Variants in GDPD5 observed in about 807,000 individuals in gnomAD.
GDPD5 encodes the protein glycerophosphodiester phosphodiesterase domain containing 5.
GDPD5 carries 48 observed loss-of-function variants against 75.1 expected under a neutral mutation model. The ratio of observed to expected loss-of-function variants is 0.64; its 90% CI spans 0.51 to 0.81. GDPD5 has a LOEUF of 0.81. Ranked by LOEUF, GDPD5 falls within the 40% of genes least tolerant of loss-of-function variation. The pLI is 0.00. For synonymous variants in GDPD5, 336 were observed against 339.0 expected (o/e 0.99, Z 0.10); for missense variants, 706 against 822.6 (o/e 0.86, Z 1.73).
chr11:75,442,058 C>T (rs1437960773), intron 12 of GDPD5, among the ~76,000 whole-genome samples: 1 of 152,276 alleles, frequency 6.6e-6, no homozygotes, highest in African/African-American at 2.4e-5. Flanking sequence ...CTGCACATGG[C>T]CACTAGCACC....
At chr11:75,498,679 C>A (rs1316801018) in intron 1 of GDPD5, among the ~76,000 whole-genome samples, 1 of 152,158 alleles carries the variant, frequency 6.6e-6, no homozygotes, top group Non-Finnish European at 1.5e-5. Flanking sequence ...CCTCTAGAAG[C>A]TGACAGAGAA....
At chr11:75,435,727 AGGAAG>A in intron 16 of GDPD5, 72 bp from the exon 17 acceptor site, 3 of 1,493,222 alleles carry the variant, frequency 2.0e-6, no homozygotes, top group Non-Finnish European at 2.7e-6. Flanking sequence ...CAGATGGGGC[AGGAAG>A]GCTGCACCAC....
At chr11:75,473,080 T>G (rs918557738) in intron 3 of GDPD5, among the ~76,000 whole-genome samples, 2 of 151,616 alleles carry the variant, frequency 1.3e-5, no homozygotes, top group African/African-American at 4.9e-5. Context: ...ATCCTGTGGA[T>G]GCGGAGAAGC....
Position 75,436,932 on chromosome 11 carries a change from G to A in GDPD5, c.1669+4C>T. The A allele has an allele frequency of 6.2e-7, 1 of 1,610,830 alleles. No homozygotes were observed. The highest frequency in any genetic ancestry group is 8.5e-7 in the Non-Finnish European group (1 of 1,177,490). ...TGCCTCCACCTGTCTGCAGGGCTGTGTACCTGAGAAAATAAGCTTCTCCTT... is the reference window on the plus strand; with the variant it reads ...TGCCTCCACCTGTCTGCAGGGCTGTATACCTGAGAAAATAAGCTTCTCCTT... On this transcript the variant is annotated splice_donor_region_variant and intron_variant, in intron 16 of 16. Coordinates refer to ENST00000336898, the MANE Select transcript of GDPD5 (RefSeq NM_030792.8).
intron 1 of GDPD5, among the ~76,000 whole-genome samples, chr11:75,496,763 T>A (rs1391833435): frequency 2.4e-5 from 3 of 123,500 alleles, no homozygotes; most frequent in African/African-American, 8.2e-5. Flanking sequence ...TTTCTTTTTT[T>A]TTCTTTTCTT....
chr11:75,500,493 T>C (rs1015762297), intron 1 of GDPD5, among the ~76,000 whole-genome samples: 2 of 152,128 alleles, frequency 1.3e-5, no homozygotes, highest in African/African-American at 4.8e-5. Context: ...ACCAGCCCCT[T>C]CGCTGGATCC....
intron 4 of GDPD5, among the ~76,000 whole-genome samples, chr11:75,458,428 C>T (rs1949338880): frequency 6.6e-6 from 1 of 152,134 alleles, no homozygotes; most frequent in African/African-American, 2.4e-5. Context: ...AATCCCAGCA[C>T]TTGGGAGGCT....
chr11:75,470,541 A>G (rs1949638203), intron 3 of GDPD5, among the ~76,000 whole-genome samples: 1 of 152,180 alleles, frequency 6.6e-6, no homozygotes, highest in Admixed American at 6.5e-5. Flanking sequence ...ATCGACATCC[A>G]TCTATATATA....
chr11:75,504,515 A>G (rs1384499588), intron 1 of GDPD5, among the ~76,000 whole-genome samples: 1 of 152,252 alleles, frequency 6.6e-6, no homozygotes, highest in Non-Finnish European at 1.5e-5. Flanking sequence ...ATCCAGCCAC[A>G]TGCTGCAGCA....
At chr11:75,521,801 CACAA>C (rs60891250) in intron 1 of GDPD5, among the ~76,000 whole-genome samples, 66,812 of 151,390 alleles carry the variant, frequency 0.44, 16,939 homozygotes, top group Middle Eastern at 0.6. Context: ...TGGGAGGAAC[CACAA>C]ACAAAGGGGC....
chr11:75,442,604 CAT>C, intron 11 of GDPD5, 23 bp from the exon 12 acceptor site: 1 of 1,608,260 alleles, frequency 6.2e-7, no homozygotes, highest in African/African-American at 1.3e-5. Context: ...GGGACACACA[CAT>C]GGCTGCATCA....
chr11:75,512,120 A>T lies in GDPD5; in HGVS notation c.-145+13090T>A, dbSNP rs562190399. On this transcript the variant is annotated intron_variant, in intron 1 of 16. Coordinates refer to ENST00000336898, the MANE Select transcript of GDPD5 (RefSeq NM_030792.8). ...TCAGGACAGATGGATGGATGGATAC[A>T]TGGATGCATGGAAGAATGCACAGAC... is the stretch of plus-strand genomic sequence containing the variant. Among the ~76,000 whole-genome samples, 3 of 152,318 alleles carry T rather than the reference A, an allele frequency of 2.0e-5. No homozygotes were observed. In the East Asian group the frequency reaches 5.8e-4, roughly 29 times the overall value.
chr11:75,474,445 T>C (rs1252997854), intron 3 of GDPD5, among the ~76,000 whole-genome samples: 1 of 152,220 alleles, frequency 6.6e-6, no homozygotes, highest in African/African-American at 2.4e-5. Context: ...CAATTAATTA[T>C]CCCCAGTTAT....
rs748503123 is a variant in GDPD5, at chr11:75,456,814, G to C, written c.318C>G (p.Val106=). 6.2e-7 allele frequency: 1 copy of C among 1,614,210 alleles called. No homozygotes were observed. The highest frequency in any genetic ancestry group is 8.5e-7 in the Non-Finnish European group (1 of 1,180,008). ...AAFAYIAGLL[V]LALCHIAVGQ... is the part of the protein sequence containing the mutation. ...CCACGGCAATGTGACATAGTGCCAG[G>C]ACCTGAGGAGGGACCCACAGGGTGA... Residue 106 remains valine, a splice_region_variant and synonymous_variant, in exon 6 of 17, where the codon GTC becomes GTG. Coordinates refer to ENST00000336898, the MANE Select transcript of GDPD5 (RefSeq NM_030792.8).
At chr11:75,505,719 A>G (rs527782491) in intron 1 of GDPD5, among the ~76,000 whole-genome samples, 4 of 152,248 alleles carry the variant, frequency 2.6e-5, no homozygotes, top group Admixed American at 1.3e-4. Context: ...CTGAGACCCA[A>G]GTGGATTTGG....
rs776619262 is a variant in GDPD5, at chr11:75,449,019, G to A, written c.672C>T (p.Leu224=). The change falls in exon 9 of 17, where the codon CTC becomes CTT. Residue 224 remains leucine (L), a synonymous_variant. Coordinates refer to ENST00000336898, the MANE Select transcript of GDPD5 (RefSeq NM_030792.8). ...SSPCIMEKKD[L]GPKPALIGHR... ...GGCCAATGAGAGCAGGCTTGGGGCC[G>A]AGGTCTTTCTTCTCCATGATGCAGG... is the stretch of plus-strand genomic sequence containing the variant. The A allele has an allele frequency of 1.7e-5, 27 of 1,605,268 alleles. No individual in the cohort carries two copies. Among genetic ancestry groups the A allele is most frequent in the South Asian group, 1.1e-4 (10 of 89,752 alleles).
chr11:75,514,644 C>T (rs1180199834), intron 1 of GDPD5, among the ~76,000 whole-genome samples: 2 of 152,342 alleles, frequency 1.3e-5, no homozygotes, highest in Non-Finnish European at 1.5e-5. Context: ...CACCTGGTCA[C>T]CCAGTTCTCT....
chr11:75,440,417 T>C (rs1033839476), intron 14 of GDPD5, among the ~76,000 whole-genome samples: 1 of 152,196 alleles, frequency 6.6e-6, no homozygotes, highest in Non-Finnish European at 1.5e-5. Context: ...TGGCACTGCA[T>C]TCTCTCAGCC....
chr11:75,439,856 G>A lies in GDPD5; in HGVS notation c.1556+23C>T, dbSNP rs111835452. 447 of 1,591,768 alleles carry A rather than the reference G, an allele frequency of 2.8e-4. 5 individuals carry two copies. In the Middle Eastern group the frequency reaches 3.7e-3, roughly 13 times the overall value. On this transcript the variant is annotated intron_variant, in intron 15 of 16. Transcript: ENST00000336898. Reference sequence around the variant, plus strand: ...CCTGCTGCAGGGTAGGGACAGCCACGGAAGTGGTCAGATCCTACTCACTTC... The same window carrying A: ...CCTGCTGCAGGGTAGGGACAGCCACAGAAGTGGTCAGATCCTACTCACTTC...
Sources: allele counts gnomAD v4.1 joint callset (sites outside exome capture counted in the v4.1 genomes callset), GRCh38; gene constraint gnomAD v4.1.1; transcripts MANE v1.5; gene names NCBI Gene and HGNC (gene_info 2026-07-23, HGNC 2026-07-21).